Variants in NRG1 observed in about 807,000 individuals in gnomAD.
The protein encoded by NRG1 is pro-neuregulin-1, membrane-bound isoform.
NRG1 carries 18 observed loss-of-function variants against 63.8 expected under a neutral mutation model. The ratio of observed to expected loss-of-function variants is 0.28; its 90% CI spans 0.19 to 0.42. The LOEUF (loss-of-function observed/expected upper bound fraction) is 0.42. Ranked by LOEUF, NRG1 falls within the 10% of genes least tolerant of loss-of-function variation. NRG1 has a pLI of 1.00. For synonymous variants in NRG1, 302 were observed against 301.3 expected, an observed-to-expected ratio of 1.00 and a Z score of -0.02; for missense variants, 762 against 814.7, an observed-to-expected ratio of 0.94 and a Z score of 0.79.
intron 1 of NRG1, among the ~76,000 whole-genome samples, chr8:31,922,138 G>A (rs1182948511): frequency 2.0e-5 from 3 of 152,166 alleles, no homozygotes; most frequent in Non-Finnish European, 4.4e-5. Flanking sequence ...AGGAGCAAGT[G>A]AACTTGGCAG....
chr8:32,449,758 T>C (rs1403121383), intron 1 of NRG1, among the ~76,000 whole-genome samples: 2 of 152,234 alleles, frequency 1.3e-5, no homozygotes, highest in African/African-American at 4.8e-5. Context: ...AAATCTTTTT[T>C]GGTGTTTATT....
chr8:31,946,328 C>T (rs956063926), intron 1 of NRG1, among the ~76,000 whole-genome samples: 2 of 151,986 alleles, frequency 1.3e-5, no homozygotes, highest in Non-Finnish European at 2.9e-5. Flanking sequence ...GAAGAGAGTA[C>T]GATGAGAAGA....
At chr8:32,291,887 G>T (rs1458108534) in intron 1 of NRG1, among the ~76,000 whole-genome samples, 1 of 151,994 alleles carries the variant, frequency 6.6e-6, no homozygotes, top group Non-Finnish European at 1.5e-5. Context: ...ATATAAACTA[G>T]AAAATGAGCA....
In NRG1 at chr8:32,212,888, A is replaced by C. The variant is rs143420223; in HGVS notation, c.38-382940A>C. Among the ~76,000 whole-genome samples, 9 of 152,308 alleles carry C rather than the reference A, an allele frequency of 5.9e-5. No homozygotes were observed. In the East Asian group the frequency reaches 1.5e-3, roughly 26 times the overall value. ...TGCATTGTGCATTGACTGTGAGATG[A>C]GTATTTTGTTGGCTTGGTAAAATGA... On this transcript the variant is annotated intron_variant, in intron 1 of 10. Coordinates refer to the NRG1 transcript ENST00000519301.
At chr8:32,689,575 CTT>C (rs1180379230) in intron 5 of NRG1, among the ~76,000 whole-genome samples, 2 of 151,934 alleles carry the variant, frequency 1.3e-5, no homozygotes, top group African/African-American at 4.8e-5. Flanking sequence ...AGTGAGGTCT[CTT>C]TTTTGGCTTA....
chr8:31,644,831 A>G (rs1258537702), intron 1 of NRG1, among the ~76,000 whole-genome samples: 2 of 152,136 alleles, frequency 1.3e-5, no homozygotes, highest in Non-Finnish European at 2.9e-5. Context: ...AGCAATACTT[A>G]GCCTTTTATT....
intron 1 of NRG1, among the ~76,000 whole-genome samples, chr8:31,871,230 C>T (rs1829457044): frequency 2.6e-5 from 4 of 152,110 alleles, no homozygotes; most frequent in Admixed American, 2.6e-4. Context: ...CCGCCTTGGC[C>T]TCCCAAAGTG....
At chr8:32,692,038 A>G (rs1186587802) in intron 5 of NRG1, among the ~76,000 whole-genome samples, 2 of 152,190 alleles carry the variant, frequency 1.3e-5, no homozygotes, top group Non-Finnish European at 2.9e-5. Flanking sequence ...TTTAAGGTCT[A>G]TTTCTTATTC....
intron 1 of NRG1, among the ~76,000 whole-genome samples, chr8:32,266,638 A>G (rs1055334582): frequency 2.6e-5 from 4 of 152,204 alleles, no homozygotes; most frequent in African/African-American, 9.7e-5. Flanking sequence ...TTTCACCTCA[A>G]TAGAATCTTA....
intron 1 of NRG1, among the ~76,000 whole-genome samples, chr8:32,301,908 G>C (rs953808260): frequency 6.6e-6 from 1 of 152,152 alleles, no homozygotes; most frequent in African/African-American, 2.4e-5. Flanking sequence ...TATCAAAACA[G>C]AGGGGAAAAG....
At chr8:31,657,255 C>A (rs192702224) in intron 1 of NRG1, among the ~76,000 whole-genome samples, 1 of 152,122 alleles carries the variant, frequency 6.6e-6, no homozygotes, top group Admixed American at 6.5e-5. Context: ...TGTAAATAAG[C>A]TAAGTGTTAT....
Position 31,968,710 on chromosome 8 carries a change from C to T in NRG1, c.37+329279C>T, listed in dbSNP as rs192957965. Among the ~76,000 whole-genome samples, 203 of 152,188 alleles carry T rather than the reference C, an allele frequency of 1.3e-3. 1 individual carries two copies. The highest frequency in any genetic ancestry group is 4.8e-3 in the South Asian group (23 of 4,814). ...TTAGCTTCCTAAACCCAGAAAGAAT[C>T]CACATTCTATTTCTCATGGTTTTTT... is the stretch of plus-strand genomic sequence containing the variant. On this transcript the variant is annotated intron_variant, in intron 1 of 10. Coordinates refer to the NRG1 transcript ENST00000519301.
chr8:32,244,553 T>C (rs1244594710), intron 1 of NRG1, among the ~76,000 whole-genome samples: 2 of 152,166 alleles, frequency 1.3e-5, no homozygotes, highest in African/African-American at 2.4e-5. Flanking sequence ...TTTATAGATA[T>C]AGGGGAACAA....
At chr8:31,724,389 T>A (rs1813220731) in intron 1 of NRG1, among the ~76,000 whole-genome samples, 1 of 152,136 alleles carries the variant, frequency 6.6e-6, no homozygotes, top group Admixed American at 6.6e-5. Context: ...GGAAAGATGA[T>A]GTGTTCAGTG....
At chr8:32,379,090 A>T (rs78238570) in intron 1 of NRG1, among the ~76,000 whole-genome samples, 3 of 129,930 alleles carry the variant, frequency 2.3e-5, no homozygotes, top group South Asian at 2.5e-4. Context: ...ATCTTTTTTT[A>T]AAACTTAGCA....
chr8:32,259,745 A>G (rs1418794639), intron 1 of NRG1, among the ~76,000 whole-genome samples: 1 of 152,060 alleles, frequency 6.6e-6, no homozygotes, highest in African/African-American at 2.4e-5. Context: ...TTTTCCCTAT[A>G]CTCTCATTTC....
At chr8:32,605,498 A>G in intron 2 of NRG1, 64 bp from the exon 3 acceptor site, 1 of 1,584,342 alleles carries the variant, frequency 6.3e-7, no homozygotes, top group Non-Finnish European at 8.6e-7. Flanking sequence ...ATAGAAAAGT[A>G]TGTATTTATA....
chr8:31,744,327 C>A (rs1459359459), intron 1 of NRG1, among the ~76,000 whole-genome samples: 2 of 152,014 alleles, frequency 1.3e-5, no homozygotes, highest in Admixed American at 1.3e-4. Flanking sequence ...TACGCTGTGC[C>A]AGTATACATG....
chr8:32,207,214 A>T (rs1370106806), intron 1 of NRG1, among the ~76,000 whole-genome samples: 1 of 152,162 alleles, frequency 6.6e-6, no homozygotes, highest in African/African-American at 2.4e-5. Flanking sequence ...AGGTAATTTT[A>T]AATGTCGCTT....
Sources: allele counts gnomAD v4.1 joint callset (sites outside exome capture counted in the v4.1 genomes callset), GRCh38; gene constraint gnomAD v4.1.1; transcripts MANE v1.5; gene names NCBI Gene and HGNC (gene_info 2026-07-23, HGNC 2026-07-21).